Variants in ERMP1 observed in about 807,000 individuals in gnomAD.
ERMP1 encodes the protein endoplasmic reticulum metallopeptidase 1.
A neutral mutation model predicts 92.0 loss-of-function variants in ERMP1; 86 were observed. The ratio of observed to expected loss-of-function variants is 0.93; its 90% CI spans 0.79 to 1.12. The LOEUF (loss-of-function observed/expected upper bound fraction) is 1.12, where lower values mean the gene tolerates loss of function less well. Among genes scored for constraint, ERMP1 ranks in the 50% most tolerant of loss-of-function variants. ERMP1 has a pLI of 0.00. For synonymous variants in ERMP1, 530 were observed against 412.8 expected (o/e 1.28, Z -3.44); for missense variants, 1,342 against 1,116.3 (o/e 1.20, Z -2.88).
chr9:5,846,171 G>T (rs1363946162), intron 6 of ERMP1, among the ~76,000 whole-genome samples: 1 of 152,140 alleles, frequency 6.6e-6, no homozygotes, highest in Non-Finnish European at 1.5e-5. Flanking sequence ...GGGAGCTAGG[G>T]ACAGCTTAAA....
chr9:5,847,231 A>G (rs1295313172), intron 6 of ERMP1, among the ~76,000 whole-genome samples: 2 of 152,164 alleles, frequency 1.3e-5, no homozygotes, highest in Non-Finnish European at 2.9e-5. Flanking sequence ...TTATCAACCC[A>G]AATATCATCA....
intron 2 of ERMP1, among the ~76,000 whole-genome samples, chr9:5,829,219 C>CAAA (rs546458492): frequency 5.3e-5 from 3 of 56,414 alleles, no homozygotes; most frequent in Non-Finnish European, 8.2e-5. Flanking sequence ...GCCCCCCAGC[C>CAAA]AAAAAAAAAA....
chr9:5,802,119 A>G (rs1201324394), intron 10 of ERMP1, among the ~76,000 whole-genome samples: 2 of 152,194 alleles, frequency 1.3e-5, no homozygotes, highest in African/African-American at 4.8e-5. Flanking sequence ...AAATATTGTG[A>G]ATACTGAGAG....
chr9:5,844,417 G>A (rs1830208779), intron 6 of ERMP1, among the ~76,000 whole-genome samples: 1 of 152,122 alleles, frequency 6.6e-6, no homozygotes, highest in Non-Finnish European at 1.5e-5. Flanking sequence ...TCTTATTATA[G>A]GCATGTACCA....
chr9:5,851,121 G>A (rs1169143304), intron 6 of ERMP1, among the ~76,000 whole-genome samples: 1 of 152,118 alleles, frequency 6.6e-6, no homozygotes, highest in Non-Finnish European at 1.5e-5. Context: ...ATGCTGTGCT[G>A]GTATCAAGCA....
intron 10 of ERMP1, among the ~76,000 whole-genome samples, chr9:5,804,472 G>A (rs2131224745): frequency 6.6e-6 from 1 of 152,250 alleles, no homozygotes; most frequent in Middle Eastern, 3.4e-3. Context: ...GGACTGACAA[G>A]GCCTGTGATC....
At chr9:5,803,710 A>G (rs1489235984) in intron 10 of ERMP1, among the ~76,000 whole-genome samples, 1 of 152,200 alleles carries the variant, frequency 6.6e-6, no homozygotes, top group Non-Finnish European at 1.5e-5. Context: ...TATCAAAAAT[A>G]CAGATGATAT....
chr9:5,850,208 C>T (rs903105303), intron 6 of ERMP1, among the ~76,000 whole-genome samples: 34 of 151,858 alleles, frequency 2.2e-4, no homozygotes, highest in Admixed American at 1.4e-3. Context: ...TTCCTCGAGA[C>T]CAGCCTGGCC....
In ERMP1 at chr9:5,788,477, A is replaced by G. The variant is rs766676471; in HGVS notation, c.2387-884T>C. On this transcript the variant is annotated intron_variant, in intron 13 of 14. Coordinates refer to ENST00000339450, the MANE Select transcript of ERMP1 (RefSeq NM_024896.3). ...TGGTGAAGATGAAAAGAAGCAAAAG[A>G]AAATTCAGGGTCCTGCAAGAAAAAT... Among the ~76,000 whole-genome samples, 88 of 152,366 alleles carry G rather than the reference A, an allele frequency of 5.8e-4. 2 individuals carry two copies. Among genetic ancestry groups the G allele is most frequent in the Admixed American group, 1.9e-3 (29 of 15,302 alleles).
At chr9:5,835,451 A>C (rs544796597), upstream of ERMP1, among the ~76,000 whole-genome samples, 3 of 152,242 alleles carry the variant, frequency 2.0e-5, no homozygotes, top group Non-Finnish European at 4.4e-5. Flanking sequence ...CTGCTGTTTT[A>C]TTAGGGTGAT....
intron 12 of ERMP1, 99 bp downstream of exon 12, chr9:5,798,707 C>T: frequency 1.4e-6 from 1 of 701,816 alleles, no homozygotes; most frequent in Non-Finnish European, 2.4e-6. Context: ...CACCACTGAA[C>T]TTGTATATTA....
intron 13 of ERMP1, among the ~76,000 whole-genome samples, chr9:5,792,804 C>A (rs1396720862): frequency 6.6e-6 from 1 of 152,088 alleles, no homozygotes; most frequent in African/African-American, 2.4e-5. Context: ...AGCTCCATAG[C>A]AACCACTAAA....
At chr9:5,857,335 A>G (rs1830389794) in intron 6 of ERMP1, among the ~76,000 whole-genome samples, 2 of 152,214 alleles carry the variant, frequency 1.3e-5, no homozygotes, top group East Asian at 1.9e-4. Context: ...ATTTTTTTCA[A>G]TATGAGAGCT....
In ERMP1 at chr9:5,787,595, T is replaced by TG. The variant is rs1258706026; in HGVS notation, c.2387-3dup. The TG allele has an allele frequency of 1.9e-6, 3 of 1,605,354 alleles. No homozygotes were observed. Among genetic ancestry groups the TG allele is most frequent in the Non-Finnish European group, 2.5e-6 (3 of 1,177,564 alleles). ...CATAGAAGGACATATGGCTTGGTCC[T>TG]GTAAGGTAAAAGGAAGAAAGAACAG... is the stretch of plus-strand genomic sequence containing the variant. On this transcript the variant is annotated splice_polypyrimidine_tract_variant and splice_region_variant and intron_variant, in intron 13 of 14. Coordinates refer to ENST00000339450, the MANE Select transcript of ERMP1 (RefSeq NM_024896.3).
chr9:5,802,818 C>T (rs1467481027), intron 10 of ERMP1, among the ~76,000 whole-genome samples: 1 of 152,152 alleles, frequency 6.6e-6, no homozygotes, highest in Non-Finnish European at 1.5e-5. Flanking sequence ...TCAGAAACAG[C>T]TCAGTTATCA....
At chr9:5,804,883 G>C in intron 10 of ERMP1, 144 bp downstream of exon 10, 1 of 642,088 alleles carries the variant, frequency 1.6e-6, no homozygotes, top group Non-Finnish European at 2.6e-6. Flanking sequence ...AAATTTACAA[G>C]ATGCATGGCC....
chr9:5,865,238 G>C (rs1408884609), intron 5 of ERMP1, among the ~76,000 whole-genome samples: 1 of 152,198 alleles, frequency 6.6e-6, no homozygotes, highest in Non-Finnish European at 1.5e-5. Context: ...TGGGCGCAGT[G>C]GCTTACGCCT....
intron 6 of ERMP1, among the ~76,000 whole-genome samples, chr9:5,848,050 T>C (rs1830261139): frequency 6.6e-6 from 1 of 152,054 alleles, no homozygotes; most frequent in East Asian, 1.9e-4. Context: ...ATACAGACAC[T>C]AAATGGCTGA....
chr9:5,801,010 C>T (rs576440948), intron 11 of ERMP1, among the ~76,000 whole-genome samples, 166 bp downstream of exon 11: 1 of 152,308 alleles, frequency 6.6e-6, no homozygotes, highest in Non-Finnish European at 1.5e-5. Context: ...ATAAGAATGC[C>T]TCTTGACAGT....
Sources: allele counts gnomAD v4.1 joint callset (sites outside exome capture counted in the v4.1 genomes callset), GRCh38; gene constraint gnomAD v4.1.1; transcripts MANE v1.5; gene names NCBI Gene and HGNC (gene_info 2026-07-23, HGNC 2026-07-21).